PDXDC1: variants seen among roughly 807,000 people sequenced by gnomAD.
PDXDC1 encodes pyridoxal-dependent decarboxylase domain-containing protein 1.
Under a neutral mutation model 100.1 loss-of-function variants are expected in PDXDC1, and 42 were observed. The observed-to-expected ratio is 0.42, with a 90% CI of 0.33 to 0.54. PDXDC1 has a LOEUF of 0.54. Ranked by LOEUF, PDXDC1 falls within the 20% of genes least tolerant of loss-of-function variation. PDXDC1 has a pLI of 0.10. For missense variants in PDXDC1, 636 were observed against 979.2 expected (o/e 0.65, Z 4.68); for synonymous variants, 260 against 371.7 (o/e 0.70, Z 3.46).
At chr16:15,057,227 T>C (rs997828498) in intron 16 of PDXDC1, among the ~76,000 whole-genome samples, 4 of 152,184 alleles carry the variant, frequency 2.6e-5, no homozygotes, top group Non-Finnish European at 4.4e-5. Flanking sequence ...CTGTAGAAGA[T>C]GGTGTTCCCA....
chr16:15,044,369 C>G lies in PDXDC1; in HGVS notation c.1399+14313C>G, dbSNP rs78636705. 252 of 1,613,630 alleles carry G rather than the reference C, an allele frequency of 1.6e-4. 1 individual carries two copies. The African/African-American group carries it at 3.1e-3, about 20-fold the overall frequency. On this transcript the variant is annotated intron_variant, in intron 16 of 16. Coordinates refer to the PDXDC1 transcript ENST00000535621. ...ATGAGTGAGTTTTTGTGACAACTGC[C>G]TGTCGTCACTGAAGCCTCCAACAAG...
chr16:15,146,963 G>C, the PDXDC1 span, among the ~76,000 whole-genome samples: 1 of 152,086 alleles, frequency 6.6e-6, no homozygotes, highest in Admixed American at 6.6e-5. Flanking sequence ...TGGAGGCGCT[G>C]GGACGTGAAC....
chr16:15,063,719 A>G (rs1201999858), intron 16 of PDXDC1, among the ~76,000 whole-genome samples: 4 of 151,108 alleles, frequency 2.6e-5, no homozygotes, highest in African/African-American at 9.7e-5. Flanking sequence ...AAAAAAAAAA[A>G]AAAGAAAAAA....
intron 16 of PDXDC1, chr16:15,128,084 G>A (rs748599715): frequency 2.3e-5 from 37 of 1,608,164 alleles, no homozygotes; most frequent in Middle Eastern, 2.2e-4. Context: ...GCTGTGTGCC[G>A]TCTGCAGGTC....
downstream of PDXDC1, among the ~76,000 whole-genome samples, chr16:15,042,330 C>G (rs1234560765): frequency 6.6e-6 from 1 of 151,872 alleles, no homozygotes; most frequent in Non-Finnish European, 1.5e-5. Context: ...GGATTACAGA[C>G]TTGCGCCACC....
At chr16:14,987,650 C>T (rs1180124219) in intron 1 of PDXDC1, among the ~76,000 whole-genome samples, 4 of 152,292 alleles carry the variant, frequency 2.6e-5, no homozygotes, top group East Asian at 1.9e-4. Flanking sequence ...ATTTTGCTGT[C>T]GCCTAGGCTG....
chr16:15,110,938 G>T (rs546772475), intron 16 of PDXDC1: 1 of 793,396 alleles, frequency 1.3e-6, no homozygotes, highest in South Asian at 1.7e-5. Context: ...AGACCAGCCT[G>T]GCCAAGATGG....
chr16:15,106,521 C>T (rs925260526), intron 16 of PDXDC1, among the ~76,000 whole-genome samples: 2 of 149,970 alleles, frequency 1.3e-5, no homozygotes, highest in African/African-American at 4.8e-5. Flanking sequence ...TCTGGGAGGG[C>T]GAGGTGGATG....
intron 16 of PDXDC1, among the ~76,000 whole-genome samples, chr16:15,046,697 C>CAAAAAA (rs9331444): frequency 2.3e-5 from 1 of 43,646 alleles, no homozygotes; most frequent in Non-Finnish European, 3.9e-5. Context: ...CTGTCTCTAC[C>CAAAAAA]AAAAAAAAAA....
At chr16:15,018,055 T>C (rs2041925597) in intron 11 of PDXDC1, among the ~76,000 whole-genome samples, 1 of 151,958 alleles carries the variant, frequency 6.6e-6, no homozygotes, top group Admixed American at 6.6e-5. Flanking sequence ...CCCAAAGTGC[T>C]GGGATTACAG....
chr16:15,131,157 A>G lies in PDXDC1; in HGVS notation c.1400-7722A>G, dbSNP rs765546660. 3 of 1,591,808 alleles carry G rather than the reference A, an allele frequency of 1.9e-6. No homozygotes were observed. The African/African-American group carries it at 4.0e-5, about 21-fold the overall frequency. The stretch of plus-strand genomic sequence containing the variant: ...GGTTGCTGCTGTCCAGGGTGACCAC[A>G]GCACCGACGGAGGCCTGGGGCTGGA... On this transcript the variant is annotated intron_variant, in intron 16 of 16. Transcript: ENST00000535621.
rs2045376975 is a variant in PDXDC1 at position 15,074,724 on chromosome 16, A to G, written c.1399+44668A>G. 3 of 1,611,804 alleles carry G rather than the reference A, an allele frequency of 1.9e-6. No homozygotes were observed. In the South Asian group the frequency reaches 3.3e-5, roughly 18 times the overall value. On this transcript the variant is annotated intron_variant, in intron 16 of 16. Coordinates refer to the PDXDC1 transcript ENST00000535621. ...TAAACAGTAGCTACTGTGATTTACC[A>G]TCTACATAGCAGACATCCTTCATGT...
At chr16:14,985,120 G>A (rs1969033027) in intron 1 of PDXDC1, among the ~76,000 whole-genome samples, 1 of 152,188 alleles carries the variant, frequency 6.6e-6, no homozygotes, top group South Asian at 2.1e-4. Context: ...TTCGTGATCT[G>A]CCCACCCCGG....
intron 19 of PDXDC1, 181 bp from the exon 20 acceptor site, chr16:15,034,099 GTCTGCC>G (rs1222335913): frequency 9.2e-5 from 55 of 596,736 alleles, no homozygotes; most frequent in Non-Finnish European, 1.5e-4. Context: ...ACCAAGGTGT[GTCTGCC>G]TAGGCCTCTA....
chr16:15,017,745 T>A (rs1382941194), intron 11 of PDXDC1, among the ~76,000 whole-genome samples: 1 of 152,226 alleles, frequency 6.6e-6, no homozygotes, highest in Non-Finnish European at 1.5e-5. Flanking sequence ...AATGACTGAG[T>A]GGGGGAGTTT....
At chr16:15,068,118 T>C (rs745908241) in intron 16 of PDXDC1, 4 of 1,488,460 alleles carry the variant, frequency 2.7e-6, no homozygotes, top group Non-Finnish European at 3.6e-6. Flanking sequence ...TAGATAAACA[T>C]AAATAAAAAT....
intron 16 of PDXDC1, among the ~76,000 whole-genome samples, chr16:15,093,559 T>A (rs999046166): frequency 1.3e-5 from 2 of 152,168 alleles, no homozygotes; most frequent in Admixed American, 6.5e-5. Context: ...AGCTCGATAA[T>A]TATTATGAAT....
At chr16:15,020,638 G>T (rs1269741375) in intron 12 of PDXDC1, among the ~76,000 whole-genome samples, 1 of 151,688 alleles carries the variant, frequency 6.6e-6, no homozygotes, top group Non-Finnish European at 1.5e-5. Context: ...GCAGTGAGCC[G>T]AGATTGCGCC....
intron 16 of PDXDC1, among the ~76,000 whole-genome samples, chr16:15,089,478 T>A (rs1324722141): frequency 2.6e-5 from 4 of 151,684 alleles, no homozygotes; most frequent in Non-Finnish European, 5.9e-5. Flanking sequence ...AAATTTAAGA[T>A]CAAGAAACTA....
Sources: gnomAD v4.1 joint callset for allele counts (sites outside exome capture counted in the v4.1 genomes callset) on GRCh38, gnomAD v4.1.1 for gene constraint, MANE v1.5 for transcripts, NCBI Gene and HGNC (gene_info 2026-07-23, HGNC 2026-07-21) for gene names.